DRG1: variants seen among roughly 807,000 people sequenced by gnomAD.
DRG1 encodes the protein developmentally-regulated GTP-binding protein 1.
A neutral mutation model predicts 38.8 loss-of-function variants in DRG1; 19 were observed. The observed-to-expected ratio is 0.49, with a 90% CI of 0.34 to 0.72. The LOEUF is 0.72. Ranked by LOEUF, DRG1 falls within the 30% of genes least tolerant of loss-of-function variation. The pLI is 0.01. For missense variants in DRG1, 299 were observed against 444.8 expected (o/e 0.67, Z 2.95); for synonymous variants, 167 against 157.5 (o/e 1.06, Z -0.45).
chr22:31,403,317 C>G, intron 3 of DRG1, 113 bp downstream of exon 3: 28 of 1,123,174 alleles, frequency 2.5e-5, no homozygotes, highest in Non-Finnish European at 3.4e-5. Flanking sequence ...CAGGCACTTA[C>G]TACCTGGTAG....
intron 1 of DRG1, among the ~76,000 whole-genome samples, chr22:31,400,398 G>T (rs915007346): frequency 3.3e-5 from 5 of 152,056 alleles, no homozygotes; most frequent in Admixed American, 3.3e-4. Flanking sequence ...TAGTCTGGGG[G>T]CACTAATTGG....
chr22:31,402,899 A>T, intron 2 of DRG1, 130 bp from the exon 3 acceptor site: 2 of 1,023,918 alleles, frequency 2.0e-6, no homozygotes, highest in Non-Finnish European at 2.8e-6. Flanking sequence ...GTTCTCCTTT[A>T]AAGGTAAACC....
intron 3 of DRG1, among the ~76,000 whole-genome samples, chr22:31,405,666 C>CGT: frequency 6.7e-6 from 1 of 148,878 alleles, no homozygotes; most frequent in South Asian, 2.3e-4. Context: ...TACTGTTGGG[C>CGT]ATGTGTGTGT....
intron 5 of DRG1, 133 bp downstream of exon 5, chr22:31,420,558 A>G: frequency 9.0e-7 from 1 of 1,111,666 alleles, no homozygotes; most frequent in Non-Finnish European, 1.3e-6. Flanking sequence ...CAATGACTTT[A>G]TAATGACTGA....
intron 3 of DRG1, among the ~76,000 whole-genome samples, chr22:31,404,284 G>C (rs1478131640): frequency 6.7e-6 from 1 of 149,324 alleles, no homozygotes; most frequent in South Asian, 2.1e-4. Flanking sequence ...CTGTCTCCCA[G>C]GCTAGAATGC....
chr22:31,412,705 CT>C (rs963403639), intron 4 of DRG1, among the ~76,000 whole-genome samples: 3 of 147,352 alleles, frequency 2.0e-5, no homozygotes, highest in Non-Finnish European at 3.0e-5. Flanking sequence ...CTTTTTTTTT[CT>C]TTTTTTTTGA....
At chr22:31,402,976 C>T in intron 2 of DRG1, 53 bp from the exon 3 acceptor site, 1 of 1,563,500 alleles carries the variant, frequency 6.4e-7, no homozygotes, top group Non-Finnish European at 8.7e-7. Context: ...TTATATGAGT[C>T]TTAACACTCT....
At position 31,433,993 on chromosome 22, in the gene DRG1, G is replaced by A; in HGVS notation, c.*22G>A. The A allele has an allele frequency of 6.2e-7, 1 of 1,608,664 alleles. No homozygotes were observed. The highest frequency in any genetic ancestry group is 8.5e-7 in the Non-Finnish European group (1 of 1,175,726). On this transcript the variant is annotated 3_prime_UTR_variant, in exon 9 of 9. Coordinates refer to ENST00000331457, the MANE Select transcript of DRG1 (RefSeq NM_004147.4). Reference sequence around the variant, plus strand: ...GTGAAACCTTTCCCTTTTCCCATCTGCCGGACGAACCACAACAGCGTTCCC... The same window carrying A: ...GTGAAACCTTTCCCTTTTCCCATCTACCGGACGAACCACAACAGCGTTCCC...
At chr22:31,429,686 G>A (rs948286697) in intron 8 of DRG1, among the ~76,000 whole-genome samples, 42 of 149,124 alleles carry the variant, frequency 2.8e-4, no homozygotes, top group African/African-American at 1.0e-3. Context: ...TCTCACTGTT[G>A]TCCAAGCCGG....
At position 31,434,079 on chromosome 22, in the gene DRG1, G is replaced by C; in HGVS notation, c.*108G>C. On this transcript the variant is annotated 3_prime_UTR_variant, in exon 9 of 9. Coordinates refer to ENST00000331457, the MANE Select transcript of DRG1 (RefSeq NM_004147.4). ...TTGGCAGTCACTGGATCAGGATCCA[G>C]GGGAGGGAGATGGAGGCACCCAAAC... 1 of 1,085,738 alleles carries C rather than the reference G, an allele frequency of 9.2e-7. No homozygotes were observed. The highest frequency in any genetic ancestry group is 2.6e-5 in the East Asian group (1 of 39,190). The allele number at this position is 1,085,738 out of a possible 1,614,324, so 67.3% of individuals were successfully genotyped here.
Position 31,410,767 on chromosome 22 carries a change from A to T in DRG1, c.343-245A>T, listed in dbSNP as rs576302424. Among the ~76,000 whole-genome samples, 8 of 151,668 alleles carry T rather than the reference A, an allele frequency of 5.3e-5. No homozygotes were observed. In the East Asian group the frequency reaches 1.6e-3, roughly 29 times the overall value. On this transcript the variant is annotated intron_variant, in intron 3 of 8. Transcript: ENST00000331457. ...GAGGCAGAGGTTGCAGTGAGCTGAGATTGTGCCGTTGTACTCCAGCCTGGG... is the reference window on the plus strand; with the variant it reads ...GAGGCAGAGGTTGCAGTGAGCTGAGTTTGTGCCGTTGTACTCCAGCCTGGG...
intron 8 of DRG1, 126 bp downstream of exon 8, chr22:31,427,308 T>G (rs2050116193): frequency 3.1e-6 from 4 of 1,277,914 alleles, no homozygotes; most frequent in Non-Finnish European, 3.1e-6. Context: ...TTTGCTTGGC[T>G]AGAACTCTGC....
chr22:31,408,622 G>C (rs529061815), intron 3 of DRG1, among the ~76,000 whole-genome samples: 1 of 151,692 alleles, frequency 6.6e-6, no homozygotes, highest in Admixed American at 6.6e-5. Flanking sequence ...GCATGGTGGC[G>C]AGCACCTGTA....
chr22:31,401,484 C>G (rs1337254933), intron 2 of DRG1, among the ~76,000 whole-genome samples: 2 of 146,766 alleles, frequency 1.4e-5, no homozygotes, highest in Non-Finnish European at 1.5e-5. Flanking sequence ...GAGGCTGAGG[C>G]AGGAGAATTG....
intron 1 of DRG1, 69 bp downstream of exon 1, chr22:31,399,794 G>C: frequency 6.2e-7 from 1 of 1,610,974 alleles, no homozygotes; most frequent in Non-Finnish European, 8.5e-7. Context: ...GCTCCTTCCT[G>C]TTCTCCTTTG....
intron 4 of DRG1, among the ~76,000 whole-genome samples, chr22:31,417,497 T>TG (rs1490839639): frequency 1.3e-5 from 2 of 151,874 alleles, no homozygotes; most frequent in Non-Finnish European, 2.9e-5. Context: ...CTGGCTATCA[T>TG]GGTGAAACCC....
intron 5 of DRG1, among the ~76,000 whole-genome samples, chr22:31,422,063 A>G (rs1009194514): frequency 4.0e-5 from 6 of 151,872 alleles, no homozygotes; most frequent in African/African-American, 1.4e-4. Context: ...GTGAGCCGAG[A>G]TGACGCCACT....
intron 6 of DRG1, among the ~76,000 whole-genome samples, chr22:31,424,884 C>A (rs2050101351): frequency 7.1e-6 from 1 of 140,288 alleles, no homozygotes; most frequent in South Asian, 2.2e-4. Flanking sequence ...CTCACTGCAA[C>A]CTCTGCCTCC....
chr22:31,410,636 A>T (rs965980323), intron 3 of DRG1, among the ~76,000 whole-genome samples: 12 of 152,102 alleles, frequency 7.9e-5, no homozygotes, highest in African/African-American at 2.7e-4. Flanking sequence ...AACATGGTGA[A>T]ATCCCCGTCT....
Sources: gnomAD v4.1 joint callset for allele counts (sites outside exome capture counted in the v4.1 genomes callset) on GRCh38, gnomAD v4.1.1 for gene constraint, MANE v1.5 for transcripts, NCBI Gene and HGNC (gene_info 2026-07-23, HGNC 2026-07-21) for gene names.